Variants in MAML2 observed in about 807,000 individuals in gnomAD.
The protein encoded by MAML2 is mastermind-like protein 2.
In MAML2, 22 loss-of-function variants were observed where a neutral mutation model predicts 96.1. The observed-to-expected ratio is 0.23, with a 90% confidence interval of 0.16 to 0.33. The LOEUF (loss-of-function observed/expected upper bound fraction) is 0.33. Ranked by LOEUF, MAML2 falls within the 10% of genes least tolerant of loss-of-function variation. The probability of loss-of-function intolerance (pLI) is 1.00; values close to 1 mark genes in which losing one functional copy is unlikely to be tolerated. For missense variants in MAML2, 1,367 were observed against 1,392.4 expected (o/e 0.98, Z 0.29); for synonymous variants, 561 against 521.3 (o/e 1.08, Z -1.04).
chr11:96,255,002 T>TTTTAGA (rs1862641917), intron 1 of MAML2, among the ~76,000 whole-genome samples: 1 of 151,988 alleles, frequency 6.6e-6, no homozygotes, highest in Non-Finnish European at 1.5e-5. Context: ...GGCATTTTTT[T>TTTTAGA]TTTAGAGGTG....
intron 3 of MAML2, among the ~76,000 whole-genome samples, chr11:95,988,928 T>C (rs920800833): frequency 6.6e-6 from 1 of 152,232 alleles, no homozygotes; most frequent in African/African-American, 2.4e-5. Context: ...TTATAGTACA[T>C]ATCTGTTCTG....
chr11:96,152,397 A>T (rs1284395949), intron 1 of MAML2, among the ~76,000 whole-genome samples: 2 of 113,802 alleles, frequency 1.8e-5, no homozygotes, highest in Non-Finnish European at 3.9e-5. Flanking sequence ...TCGACAGAGA[A>T]GATAGAACAC....
chr11:96,005,281 A>G (rs1858160556), intron 2 of MAML2, among the ~76,000 whole-genome samples: 1 of 152,168 alleles, frequency 6.6e-6, no homozygotes, highest in Non-Finnish European at 1.5e-5. Context: ...ACGTATACTG[A>G]CATTTAATTG....
At chr11:96,307,437 G>A (rs1461520425) in intron 1 of MAML2, among the ~76,000 whole-genome samples, 1 of 152,124 alleles carries the variant, frequency 6.6e-6, no homozygotes, top group Non-Finnish European at 1.5e-5. Context: ...ATTCCTTAAT[G>A]TGCCTTGCTG....
intron 1 of MAML2, among the ~76,000 whole-genome samples, chr11:96,333,404 G>A (rs1591137532): frequency 6.6e-6 from 1 of 151,996 alleles, no homozygotes; most frequent in African/African-American, 2.4e-5. Context: ...TCTGAGTTTG[G>A]ACAATAAATC....
At chr11:96,298,095 A>G (rs1387322017) in intron 1 of MAML2, among the ~76,000 whole-genome samples, 1 of 152,140 alleles carries the variant, frequency 6.6e-6, no homozygotes, top group African/African-American at 2.4e-5. Flanking sequence ...GAAATTCACT[A>G]TACTTAGGAA....
intron 1 of MAML2, among the ~76,000 whole-genome samples, chr11:96,259,346 C>T (rs1429658637): frequency 1.3e-5 from 2 of 152,122 alleles, no homozygotes; most frequent in Non-Finnish European, 2.9e-5. Flanking sequence ...CCCTTGCAAC[C>T]GTAAGTCATT....
chr11:96,278,656 A>G (rs1408925852), intron 1 of MAML2, among the ~76,000 whole-genome samples: 1 of 152,172 alleles, frequency 6.6e-6, no homozygotes, highest in Non-Finnish European at 1.5e-5. Flanking sequence ...ACTTTACTAA[A>G]CAGAAACTGG....
At chr11:96,300,136 T>C (rs1028563846) in intron 1 of MAML2, among the ~76,000 whole-genome samples, 101 of 152,082 alleles carry the variant, frequency 6.6e-4, no homozygotes, top group African/African-American at 2.3e-3. Flanking sequence ...TGAGCTCTCA[T>C]AGGTAGACAG....
At chr11:96,313,360 G>A (rs1863574184) in intron 1 of MAML2, among the ~76,000 whole-genome samples, 1 of 152,190 alleles carries the variant, frequency 6.6e-6, no homozygotes, top group African/African-American at 2.4e-5. Context: ...TGCAATGTAA[G>A]CAGCTCTCCG....
At chr11:96,001,582 A>G (rs1012995851) in intron 2 of MAML2, among the ~76,000 whole-genome samples, 1 of 152,142 alleles carries the variant, frequency 6.6e-6, no homozygotes, top group Non-Finnish European at 1.5e-5. Context: ...GGGAGTTTAC[A>G]AACTCTCTAA....
At chr11:96,164,270 G>T (rs575055946) in intron 1 of MAML2, among the ~76,000 whole-genome samples, 4 of 152,228 alleles carry the variant, frequency 2.6e-5, no homozygotes, top group African/African-American at 9.6e-5. Context: ...TGTGAATCTA[G>T]TCATAAAAGC....
At chr11:96,044,627 A>G (rs1230310799) in intron 2 of MAML2, among the ~76,000 whole-genome samples, 1 of 151,466 alleles carries the variant, frequency 6.6e-6, no homozygotes, top group Non-Finnish European at 1.5e-5. Flanking sequence ...ACATCTTAGA[A>G]AGGATTGTGA....
At chr11:96,069,065 G>T (rs1859295860) in intron 2 of MAML2, among the ~76,000 whole-genome samples, 1 of 151,758 alleles carries the variant, frequency 6.6e-6, no homozygotes, top group African/African-American at 2.4e-5. Flanking sequence ...AGGACTACAG[G>T]CTACAGGCAT....
intron 2 of MAML2, among the ~76,000 whole-genome samples, chr11:96,027,855 C>T (rs1166385874): frequency 6.6e-6 from 1 of 152,148 alleles, no homozygotes; most frequent in Non-Finnish European, 1.5e-5. Flanking sequence ...CCTCAGCCTC[C>T]CAAGTAGCTG....
chr11:96,117,019 A>G (rs1406051292), intron 1 of MAML2, among the ~76,000 whole-genome samples: 2 of 152,252 alleles, frequency 1.3e-5, no homozygotes, highest in Non-Finnish European at 1.5e-5. Context: ...TGAATGAACT[A>G]TCTCCAGAAG....
chr11:96,247,785 T>G (rs758388009), intron 1 of MAML2, among the ~76,000 whole-genome samples: 12 of 152,224 alleles, frequency 7.9e-5, no homozygotes, highest in Non-Finnish European at 1.6e-4. Context: ...CAGCACCTTC[T>G]TCCCAATTCT....
intron 1 of MAML2, among the ~76,000 whole-genome samples, chr11:96,278,421 T>G (rs938215207): frequency 2.6e-5 from 4 of 152,224 alleles, no homozygotes; most frequent in African/African-American, 9.6e-5. Flanking sequence ...CAGAACTGGT[T>G]TCTACCCTTA....
At chr11:96,003,486 A>G (rs1858129898) in intron 2 of MAML2, among the ~76,000 whole-genome samples, 1 of 152,178 alleles carries the variant, frequency 6.6e-6, no homozygotes, top group Non-Finnish European at 1.5e-5. Context: ...GATTGAGCTT[A>G]GTAAACAAGA....
Sources: gnomAD v4.1 joint callset for allele counts (sites outside exome capture counted in the v4.1 genomes callset) on GRCh38, gnomAD v4.1.1 for gene constraint, MANE v1.5 for transcripts, NCBI Gene and HGNC (gene_info 2026-07-23, HGNC 2026-07-21) for gene names.